Variants in ADD3 observed in about 807,000 individuals in gnomAD.
The protein encoded by ADD3 is gamma-adducin.
Under a neutral mutation model 80.2 loss-of-function variants are expected in ADD3, and 25 were observed. The ratio of observed to expected loss-of-function variants is 0.31; its 90% CI spans 0.23 to 0.44. The LOEUF (loss-of-function observed/expected upper bound fraction) is 0.44, where lower values mean the gene tolerates loss of function less well. Ranked by LOEUF, ADD3 falls within the 20% of genes least tolerant of loss-of-function variation. The pLI is 1.00. For missense variants in ADD3, 829 were observed against 847.5 expected, an observed-to-expected ratio of 0.98 and a Z score of 0.27; for synonymous variants, 284 against 289.6, an observed-to-expected ratio of 0.98 and a Z score of 0.20.
chr10:110,063,614 C>CT (rs1052433822), intron 1 of ADD3, among the ~76,000 whole-genome samples: 3 of 150,392 alleles, frequency 2.0e-5, no homozygotes, highest in African/African-American at 7.3e-5. Flanking sequence ...AGAGGGGAGG[C>CT]TTTTCTTTCT....
At chr10:110,133,222 C>T in intron 14 of ADD3, 104 bp from the exon 15 acceptor site, 1 of 1,136,730 alleles carries the variant, frequency 8.8e-7, no homozygotes, top group Non-Finnish European at 1.2e-6. Flanking sequence ...TCATTGGAAT[C>T]AAAGTAATGC....
intron 5 of ADD3, among the ~76,000 whole-genome samples, chr10:110,117,798 G>A (rs1265817191): frequency 1.3e-5 from 2 of 151,892 alleles, no homozygotes; most frequent in Admixed American, 1.3e-4. Flanking sequence ...AGTGGATCAC[G>A]AGGTCAGGAG....
At chr10:110,049,836 G>T (rs186355745) in intron 1 of ADD3, among the ~76,000 whole-genome samples, 13 of 149,982 alleles carry the variant, frequency 8.7e-5, no homozygotes, top group African/African-American at 1.7e-4. Context: ...GCAGTGAGCC[G>T]AGATCGCGCC....
At chr10:110,104,992 AG>A (rs1849251835) in intron 2 of ADD3, among the ~76,000 whole-genome samples, 1 of 152,216 alleles carries the variant, frequency 6.6e-6, no homozygotes, top group Non-Finnish European at 1.5e-5. Flanking sequence ...TCATCTTCAA[AG>A]CCTGCTGCTT....
At chr10:110,026,396 T>C (rs1172780881) in intron 1 of ADD3, among the ~76,000 whole-genome samples, 2 of 150,992 alleles carry the variant, frequency 1.3e-5, no homozygotes, top group Non-Finnish European at 2.9e-5. Context: ...TTCTCCTGCC[T>C]CAGCCTCCTG....
chr10:110,021,990 C>T (rs1331890105), intron 1 of ADD3, among the ~76,000 whole-genome samples: 1 of 151,988 alleles, frequency 6.6e-6, no homozygotes, highest in Non-Finnish European at 1.5e-5. Context: ...AACTGTTTTC[C>T]CAGTAGAAAG....
intron 1 of ADD3, chr10:109,997,627 T>C (rs1452333859): frequency 3.9e-5 from 6 of 152,258 alleles, no homozygotes; most frequent in Admixed American, 3.9e-4. Flanking sequence ...GCTGCTTTTC[T>C]CTCAAAAGCT....
intron 1 of ADD3, among the ~76,000 whole-genome samples, chr10:110,039,951 G>C (rs1856097846): frequency 6.6e-6 from 1 of 152,172 alleles, no homozygotes; most frequent in Non-Finnish European, 1.5e-5. Context: ...ACAAGTAGAA[G>C]GATGGGGAGG....
At chr10:110,030,214 T>A (rs1361478840) in intron 1 of ADD3, among the ~76,000 whole-genome samples, 1 of 150,342 alleles carries the variant, frequency 6.7e-6, no homozygotes, top group Non-Finnish European at 1.5e-5. Flanking sequence ...TCCCAGCTAC[T>A]AGGGAGGCTG....
intron 1 of ADD3, among the ~76,000 whole-genome samples, chr10:110,025,563 T>C (rs1275956841): frequency 1.0e-5 from 1 of 99,506 alleles, no homozygotes; most frequent in Non-Finnish European, 2.1e-5. Context: ...CTGTATACTT[T>C]AAAGGAGAAG....
intron 1 of ADD3, among the ~76,000 whole-genome samples, chr10:110,030,088 C>A (rs1854811476): frequency 6.6e-6 from 1 of 152,040 alleles, no homozygotes; most frequent in Admixed American, 6.6e-5. Flanking sequence ...CTTTGGGAGG[C>A]CGAGGTGGGC....
At chr10:110,044,676 A>G (rs1469465290) in intron 1 of ADD3, among the ~76,000 whole-genome samples, 1 of 152,258 alleles carries the variant, frequency 6.6e-6, no homozygotes, top group Admixed American at 6.5e-5. Context: ...TGTAGACTAA[A>G]GAAGTAATAG....
chr10:110,132,447 G>A (rs1202948036), intron 14 of ADD3, 47 bp downstream of exon 14: 6 of 1,301,718 alleles, frequency 4.6e-6, no homozygotes, highest in Admixed American at 1.7e-5. Context: ...TTAGTCTTGA[G>A]TCTGTCCCTC....
chr10:110,126,339 CT>C, intron 11 of ADD3, 77 bp from the exon 12 acceptor site: 1 of 1,104,294 alleles, frequency 9.1e-7, no homozygotes, highest in Non-Finnish European at 1.4e-6. Context: ...AAGTAGTAAG[CT>C]TTTATGAAAA....
chr10:110,077,919 A>G (rs1564936320), intron 1 of ADD3, among the ~76,000 whole-genome samples: 2 of 152,120 alleles, frequency 1.3e-5, no homozygotes, highest in Non-Finnish European at 2.9e-5. Flanking sequence ...GCTTTGTGTT[A>G]TCTATACTCT....
chr10:110,118,762 A>T, intron 6 of ADD3, 26 bp downstream of exon 6: 1 of 1,605,712 alleles, frequency 6.2e-7, no homozygotes, highest in Non-Finnish European at 8.5e-7. Flanking sequence ...TCCAAAACTG[A>T]CAGGACGCTG....
chr10:110,070,335 C>G (rs1999249), intron 1 of ADD3, among the ~76,000 whole-genome samples: 2 of 152,210 alleles, frequency 1.3e-5, no homozygotes, highest in African/African-American at 4.8e-5. Flanking sequence ...TACCTGTTCA[C>G]TTGTAGCATG....
chr10:110,124,131 G>A lies in ADD3; in HGVS notation c.1258G>A (p.Val420Met). Reference protein sequence around the residue: ...VTAFSFEDDTVPLSPLKYMAQ... With the variant: ...VTAFSFEDDTMPLSPLKYMAQ... ...TGCTTTTTCCTTTGAAGACGATACA[G>A]TGCCACTCTCTCCTCTCAAATACAT... The change falls in exon 10 of 15, where the codon GTG becomes ATG. Residue 420 changes from valine (V) to methionine (M), a missense_variant. Transcript: ENST00000356080. 1 of 1,614,128 alleles carries A rather than the reference G, an allele frequency of 6.2e-7. No homozygotes were observed. Among genetic ancestry groups the A allele is most frequent in the Non-Finnish European group, 8.5e-7 (1 of 1,180,006 alleles).
chr10:110,010,963 A>T (rs1852265335), intron 1 of ADD3, among the ~76,000 whole-genome samples: 1 of 152,228 alleles, frequency 6.6e-6, no homozygotes, highest in South Asian at 2.1e-4. Flanking sequence ...GTTAATCCGC[A>T]TTAAATACAG....
Sources: gnomAD v4.1 joint callset for allele counts (sites outside exome capture counted in the v4.1 genomes callset) on GRCh38, gnomAD v4.1.1 for gene constraint, MANE v1.5 for transcripts, NCBI Gene and HGNC (gene_info 2026-07-23, HGNC 2026-07-21) for gene names.